ADGRA1: variants seen among roughly 807,000 people sequenced by gnomAD.
The protein encoded by ADGRA1 is G-protein coupled receptor 123.
A neutral mutation model predicts 21.3 loss-of-function variants in ADGRA1; 12 were observed. That is an observed-to-expected ratio of 0.56 (90% CI 0.36 to 0.91). ADGRA1 has a LOEUF of 0.91. ADGRA1 is among the 40% of genes least tolerant of loss of function. The pLI, the probability that ADGRA1 is intolerant of heterozygous loss-of-function variation, is 0.01. For synonymous variants in ADGRA1, 385 were observed against 368.8 expected (o/e 1.04, Z -0.50); for missense variants, 790 against 805.6 (o/e 0.98, Z 0.23).
At chr10:133,102,299 G>C (rs1372972856) in intron 4 of ADGRA1, 8 of 504,834 alleles carry the variant, frequency 1.6e-5, no homozygotes, top group Non-Finnish European at 3.2e-5. Flanking sequence ...TGACCCCACT[G>C]AGGACTTCAC....
intron 5 of ADGRA1, among the ~76,000 whole-genome samples, chr10:133,121,790 C>T (rs1360416854): frequency 7.4e-6 from 1 of 134,928 alleles, no homozygotes; most frequent in Non-Finnish European, 1.5e-5. Context: ...GTGTCGTGTG[C>T]CAGTGTGTGT....
At chr10:133,120,697 C>T (rs1435991814) in intron 5 of ADGRA1, among the ~76,000 whole-genome samples, 4 of 152,210 alleles carry the variant, frequency 2.6e-5, no homozygotes, top group African/African-American at 7.2e-5. Context: ...TTTGATCTTC[C>T]ATCCAGACCA....
intron 5 of ADGRA1, among the ~76,000 whole-genome samples, chr10:133,124,846 GGCCCCGGC>G (rs1564854755): frequency 6.6e-6 from 1 of 151,944 alleles, no homozygotes; most frequent in African/African-American, 2.4e-5. Flanking sequence ...CCCCGGCCCC[GGCCCCGGC>G]CCCGCGCCTG....
intron 5 of ADGRA1, among the ~76,000 whole-genome samples, chr10:133,108,090 C>T (rs549411637): frequency 4.4e-4 from 67 of 152,330 alleles, no homozygotes; most frequent in Admixed American, 2.8e-3. Context: ...GATGTGGGCA[C>T]GAGGGGCCAG....
chr10:133,116,736 C>G (rs1315338699), intron 5 of ADGRA1, among the ~76,000 whole-genome samples: 1 of 152,104 alleles, frequency 6.6e-6, no homozygotes, highest in Non-Finnish European at 1.5e-5. Flanking sequence ...CCCCAGGCTT[C>G]CTTCCTTTTG....
At chr10:133,111,300 C>CACAGACA (rs1390771906) in intron 5 of ADGRA1, among the ~76,000 whole-genome samples, 2 of 62,182 alleles carry the variant, frequency 3.2e-5, no homozygotes, top group South Asian at 7.8e-4. Flanking sequence ...ACCTGCCCCC[C>CACAGACA]CGGGAACCAT....
chr10:133,129,784 C>T lies in ADGRA1; in HGVS notation c.*273C>T. On this transcript the variant is annotated 3_prime_UTR_variant, in exon 7 of 7. Transcript: ENST00000392607. ...ACTCCCCTTATCCCAATTCCGCGTG[C>T]TGGTCCCGCACACGGTCATCCGGTT... 1 of 446,136 alleles carries T rather than the reference C, an allele frequency of 2.2e-6. No individual in the cohort carries two copies. The highest frequency in any genetic ancestry group is 4.1e-6 in the Non-Finnish European group (1 of 242,872). The allele number at this position is 446,136 out of a possible 1,614,324, so 27.6% of individuals were successfully genotyped here. A position where few individuals can be genotyped will look rare whatever the true frequency, so the allele number is the denominator to read the frequency against.
rs568899737 is a variant in ADGRA1 at position 133,088,257 on chromosome 10, G to A, written c.-203+119G>A. 507 of 342,732 alleles carry A rather than the reference G, an allele frequency of 1.5e-3. 2 individuals carry two copies. The highest frequency in any genetic ancestry group is 0.01 in the African/African-American group (471 of 44,968). 21.2% of individuals were successfully genotyped at this position (342,732 alleles called of 1,614,324 possible). A position where few individuals can be genotyped will look rare whatever the true frequency, so the allele number is the denominator to read the frequency against. ...GGAAAGCAGCTCCGAGTAACTTTCG[G>A]CTCCGCTGGGGCGGGAGGCGCCACG... is the stretch of plus-strand genomic sequence containing the variant. On this transcript the variant is annotated intron_variant, in intron 1 of 6. Coordinates refer to ENST00000392607, the MANE Select transcript of ADGRA1 (RefSeq NM_001083909.3).
intron 2 of ADGRA1, among the ~76,000 whole-genome samples, chr10:133,089,283 C>T (rs371892288): frequency 6.6e-6 from 1 of 152,174 alleles, no homozygotes; most frequent in African/African-American, 2.4e-5. Context: ...CCCTGGTCAC[C>T]GGCCTCCTCC....
chr10:133,100,010 G>C (rs1019959544), intron 4 of ADGRA1, among the ~76,000 whole-genome samples: 1 of 152,210 alleles, frequency 6.6e-6, no homozygotes, highest in South Asian at 2.1e-4. Context: ...CCACGGCCAC[G>C]GGCTTCCTTC....
chr10:133,118,352 A>G (rs981724178), intron 5 of ADGRA1, among the ~76,000 whole-genome samples: 1 of 152,192 alleles, frequency 6.6e-6, no homozygotes, highest in Admixed American at 6.5e-5. Context: ...TACAACTTTT[A>G]TGTGCTGTAT....
At chr10:133,097,565 C>T (rs1053607814) in intron 3 of ADGRA1, among the ~76,000 whole-genome samples, 6 of 152,168 alleles carry the variant, frequency 3.9e-5, no homozygotes, top group Non-Finnish European at 7.3e-5. Flanking sequence ...AGGCCAAGGT[C>T]GCCTCGGTCA....
In ADGRA1 at chr10:133,095,595, TGGGGCA is replaced by T. The variant is rs1399566752; in HGVS notation, c.4-1373_4-1368del. On this transcript the variant is annotated intron_variant, in intron 2 of 6. Transcript: ENST00000392607. Reference sequence around the variant, plus strand: ...CGCCTGGCCAGTGCTGTTCGAACCCTGGGGCAGGGGCCCTATTTCGGGCTTTGACTG... The same window carrying T: ...CGCCTGGCCAGTGCTGTTCGAACCCTGGGGCCCTATTTCGGGCTTTGACTG... The T allele has an allele frequency of 2.6e-6, 4 of 1,539,788 alleles. No homozygotes were observed. In the Admixed American group the frequency reaches 7.4e-5, roughly 29 times the overall value.
chr10:133,117,441 C>T (rs1564851949), intron 5 of ADGRA1, among the ~76,000 whole-genome samples: 1 of 152,246 alleles, frequency 6.6e-6, no homozygotes, highest in Non-Finnish European at 1.5e-5. Flanking sequence ...AGCGTGGCCA[C>T]ACCAGACCTG....
rs148088463 is a variant in ADGRA1, at chr10:133,130,701, A to G, written c.*1190A>G. 3.3e-5 allele frequency: 5 copies of G among 151,880 alleles called. No individual in the cohort carries two copies. The highest frequency in any genetic ancestry group is 3.3e-4 in the Admixed American group (5 of 15,260). 9.4% of individuals were successfully genotyped at this position (151,880 alleles called of 1,614,324 possible). On this transcript the variant is annotated 3_prime_UTR_variant, in exon 7 of 7. Transcript: ENST00000392607. ...ATCACACACATGCACACACACAAAC[A>G]CATGTGCATATCACACACGCGCACA...
At position 133,129,246 on chromosome 10, in the gene ADGRA1, C is replaced by G. The variant is rs776299340; in HGVS notation, c.1418C>G (p.Thr473Ser). 2.6e-6 allele frequency: 4 copies of G among 1,549,556 alleles called. No homozygotes were observed. In the East Asian group the frequency reaches 9.8e-5, roughly 38 times the overall value. The change falls in exon 7 of 7, where the codon ACC (threonine) becomes AGC (serine). Residue 473 changes from threonine (T) to serine (S), a missense_variant. Physicochemically the swap from Thr to Ser is moderately conservative, Grantham distance 58. This residue lies in a region of ADGRA1 where 391 missense variants were observed against 351.5 expected (regional missense o/e 1.11). Coordinates refer to ENST00000392607, the MANE Select transcript of ADGRA1 (RefSeq NM_001083909.3). The stretch of plus-strand genomic sequence containing the variant: ...GGGACACACACGCTGGCCTGCTGCA[C>G]CCAGGGCGACCCCTTCCCCATGGTC... Reference protein sequence around the residue: ...PAGTHTLACCTQGDPFPMVTQ... With the variant: ...PAGTHTLACCSQGDPFPMVTQ...
intron 2 of ADGRA1, among the ~76,000 whole-genome samples, chr10:133,095,161 G>C (rs888912215): frequency 4.6e-5 from 7 of 152,200 alleles, no homozygotes; most frequent in African/African-American, 1.7e-4. Flanking sequence ...AGGAGCCCCA[G>C]CTGGAGCTCG....
At chr10:133,111,850 GGC>G (rs1852021659) in intron 5 of ADGRA1, among the ~76,000 whole-genome samples, 3 of 147,458 alleles carry the variant, frequency 2.0e-5, no homozygotes, top group African/African-American at 5.0e-5. Flanking sequence ...GCCCACCACG[GGC>G]ACCTCCCTCC....
chr10:133,101,345 C>G (rs1022346302), intron 4 of ADGRA1, among the ~76,000 whole-genome samples: 1 of 152,226 alleles, frequency 6.6e-6, no homozygotes, highest in Non-Finnish European at 1.5e-5. Context: ...AAGAGATGGC[C>G]GTGAGCCCCA....
Sources: allele counts gnomAD v4.1 joint callset (sites outside exome capture counted in the v4.1 genomes callset), GRCh38; gene constraint gnomAD v4.1.1; regional missense constraint gnomAD v4.1.1; transcripts MANE v1.5; gene names NCBI Gene and HGNC (gene_info 2026-07-23, HGNC 2026-07-21).